SESTD1: variants seen among roughly 807,000 people sequenced by gnomAD.
SESTD1 encodes SEC14 domain and spectrin repeat-containing protein 1.
A neutral mutation model predicts 101.7 loss-of-function variants in SESTD1; 43 were observed. The ratio of observed to expected loss-of-function variants is 0.42; its 90% CI spans 0.33 to 0.55. The LOEUF (loss-of-function observed/expected upper bound fraction) is 0.55, where lower values mean the gene tolerates loss of function less well. SESTD1 is among the 20% of genes least tolerant of loss of function. The pLI is 0.07. For synonymous variants in SESTD1, 283 were observed against 286.8 expected (o/e 0.99, Z 0.13); for missense variants, 647 against 815.1 (o/e 0.79, Z 2.51).
At chr2:179,261,031 C>A (rs2047475105) in intron 1 of SESTD1, among the ~76,000 whole-genome samples, 1 of 152,164 alleles carries the variant, frequency 6.6e-6, no homozygotes, top group Non-Finnish European at 1.5e-5. Flanking sequence ...TTTACTCTCT[C>A]TATATATATA....
chr2:179,109,761 G>A lies in SESTD1; in HGVS notation c.*138C>T. ...CTTGGTAGTAGCAAGGTGTTAACAT[G>A]TAAAGAGAAATGTGTCATGAAAAGA... is the stretch of plus-strand genomic sequence containing the variant. On this transcript the variant is annotated 3_prime_UTR_variant, in exon 18 of 18. Coordinates refer to ENST00000428443, the MANE Select transcript of SESTD1 (RefSeq NM_178123.5). 8.9e-7 allele frequency: 1 copy of A among 1,124,748 alleles called. No individual in the cohort carries two copies. The allele number at this position is 1,124,748 out of a possible 1,614,324, so 69.7% of individuals were successfully genotyped here. A position where few individuals can be genotyped will look rare whatever the true frequency, so the allele number is the denominator to read the frequency against.
At position 179,105,293 on chromosome 2, in the gene SESTD1, T is replaced by G. The variant is rs776982537; in HGVS notation, c.*4606A>C. 6.6e-6 allele frequency: 1 copy of G among 152,036 alleles called. No individual in the cohort carries two copies. The highest frequency in any genetic ancestry group is 1.5e-5 in the Non-Finnish European group (1 of 67,996). The allele number at this position is 152,036 out of a possible 1,614,324, so 9.4% of individuals were successfully genotyped here. Reference sequence around the variant, plus strand: ...TATCCAATCCTAGTATGATTTTCTTTTACTTGTGTCTATTAACAGGGTTAT... The same window carrying G: ...TATCCAATCCTAGTATGATTTTCTTGTACTTGTGTCTATTAACAGGGTTAT... On this transcript the variant is annotated 3_prime_UTR_variant, in exon 18 of 18. Transcript: ENST00000428443.
At chr2:179,163,048 T>C (rs1222391993) in intron 5 of SESTD1, among the ~76,000 whole-genome samples, 1 of 152,072 alleles carries the variant, frequency 6.6e-6, no homozygotes, top group East Asian at 1.9e-4. Flanking sequence ...TTGATATATT[T>C]CCGTCCAGTG....
intron 1 of SESTD1, among the ~76,000 whole-genome samples, chr2:179,260,685 G>A (rs368302215): frequency 2.0e-5 from 3 of 152,248 alleles, no homozygotes; most frequent in East Asian, 1.9e-4. Context: ...TCTTGACACC[G>A]AAGCCAGGCA....
intron 1 of SESTD1, among the ~76,000 whole-genome samples, chr2:179,200,237 G>A (rs1303127365): frequency 1.3e-5 from 2 of 152,036 alleles, no homozygotes; most frequent in African/African-American, 2.4e-5. Flanking sequence ...CCTCTTCAAG[G>A]AGAACTACAA....
chr2:179,223,755 AGAAAG>A (rs1332047694), intron 1 of SESTD1, among the ~76,000 whole-genome samples: 1 of 152,206 alleles, frequency 6.6e-6, no homozygotes, highest in Non-Finnish European at 1.5e-5. Flanking sequence ...AATGAAGGGA[AGAAAG>A]GAGAGTATAA....
At chr2:179,187,381 T>C (rs1006682330) in intron 2 of SESTD1, among the ~76,000 whole-genome samples, 3 of 152,112 alleles carry the variant, frequency 2.0e-5, no homozygotes, top group Middle Eastern at 3.2e-3. Flanking sequence ...TCTCAGCAAT[T>C]TGGGAGACTG....
intron 10 of SESTD1, among the ~76,000 whole-genome samples, chr2:179,127,789 C>T (rs895133770): frequency 2.6e-5 from 4 of 152,124 alleles, no homozygotes; most frequent in Non-Finnish European, 4.4e-5. Flanking sequence ...AACTCAATAA[C>T]AAGCATAGAA....
chr2:179,118,804 A>G (rs1466247220), intron 13 of SESTD1, among the ~76,000 whole-genome samples: 1 of 152,202 alleles, frequency 6.6e-6, no homozygotes, highest in Non-Finnish European at 1.5e-5. Flanking sequence ...ATTTGCAGAG[A>G]TGTTATAAGT....
At chr2:179,218,395 C>T (rs185929351) in intron 1 of SESTD1, among the ~76,000 whole-genome samples, 26 of 152,228 alleles carry the variant, frequency 1.7e-4, no homozygotes, top group Admixed American at 2.6e-4. Flanking sequence ...TTCACTTATC[C>T]TATTTATATG....
intron 13 of SESTD1, 67 bp from the exon 14 acceptor site, chr2:179,117,680 A>G: frequency 8.0e-7 from 1 of 1,256,436 alleles, no homozygotes; most frequent in South Asian, 1.6e-5. Flanking sequence ...TAACATCATC[A>G]TTTGGTACAT....
At chr2:179,247,637 G>A (rs115436609) in intron 1 of SESTD1, among the ~76,000 whole-genome samples, 6,543 of 150,940 alleles carry the variant, frequency 0.043, 168 homozygotes, top group Middle Eastern at 0.099. Flanking sequence ...ACAAGATCTC[G>A]TTATGTTGCC....
At chr2:179,228,268 G>T (rs766437137) in intron 1 of SESTD1, among the ~76,000 whole-genome samples, 2 of 152,158 alleles carry the variant, frequency 1.3e-5, no homozygotes, top group Non-Finnish European at 2.9e-5. Context: ...TGTTGCAGAT[G>T]AGGAAGTTCC....
At chr2:179,185,694 A>G (rs1403816482) in intron 2 of SESTD1, among the ~76,000 whole-genome samples, 4 of 126,168 alleles carry the variant, frequency 3.2e-5, no homozygotes, top group East Asian at 2.2e-4. Flanking sequence ...TATATAATAT[A>G]GTATATTATA....
intron 17 of SESTD1, among the ~76,000 whole-genome samples, chr2:179,111,324 A>T (rs1348951077): frequency 2.0e-5 from 3 of 152,220 alleles, no homozygotes; most frequent in Non-Finnish European, 4.4e-5. Flanking sequence ...ATCAATCCCA[A>T]ATAATCACTG....
chr2:179,166,153 C>T (rs2045830685), intron 5 of SESTD1, among the ~76,000 whole-genome samples: 1 of 152,018 alleles, frequency 6.6e-6, no homozygotes, highest in Admixed American at 6.6e-5. Flanking sequence ...AGTACAGAAC[C>T]CATGGGAAGT....
At chr2:179,226,658 C>T (rs1377059612) in intron 1 of SESTD1, among the ~76,000 whole-genome samples, 5 of 152,044 alleles carry the variant, frequency 3.3e-5, no homozygotes, top group Admixed American at 6.6e-5. Context: ...GAAACAGATT[C>T]CAAAGATTTT....
chr2:179,127,876 ACTGTCATGCT>A, intron 10 of SESTD1, among the ~76,000 whole-genome samples: 1 of 152,250 alleles, frequency 6.6e-6, no homozygotes, highest in East Asian at 1.9e-4. Flanking sequence ...GAAAATTATC[ACTGTCATGCT>A]CTAAAATATA....
At chr2:179,165,635 T>C (rs981864166) in intron 5 of SESTD1, among the ~76,000 whole-genome samples, 2 of 152,234 alleles carry the variant, frequency 1.3e-5, no homozygotes, top group Non-Finnish European at 2.9e-5. Context: ...ACCTCCTGGC[T>C]TCAGCTTTTA....
Sources: allele counts gnomAD v4.1 joint callset (sites outside exome capture counted in the v4.1 genomes callset), GRCh38; gene constraint gnomAD v4.1.1; transcripts MANE v1.5; gene names NCBI Gene and HGNC (gene_info 2026-07-23, HGNC 2026-07-21).